MOSPD2: variants seen among roughly 807,000 people sequenced by gnomAD.
MOSPD2 encodes motile sperm domain-containing protein 2.
MOSPD2 carries 5 observed loss-of-function variants against 41.7 expected under a neutral mutation model. The ratio of observed to expected loss-of-function variants is 0.12; its 90% CI spans 0.06 to 0.25. MOSPD2 has a LOEUF of 0.25. Ranked by LOEUF, MOSPD2 falls within the 10% of genes least tolerant of loss-of-function variation. The pLI is 1.00. For missense variants in MOSPD2, 282 were observed against 375.2 expected, an observed-to-expected ratio of 0.75 and a Z score of 2.05; for synonymous variants, 115 against 126.9, an observed-to-expected ratio of 0.91 and a Z score of 0.63.
Position 14,890,303 on chromosome X carries a change from C to G in MOSPD2, c.80-2420C>G, listed in dbSNP as rs149635249. 9.1e-3 allele frequency among the ~76,000 whole-genome samples: 1,015 copies of G among 111,658 alleles called. 13 individuals carry two copies. Among genetic ancestry groups the G allele is most frequent in the African/African-American group, 0.032 (972 of 30,730 alleles). ...CTTTCAATGTTCTGTGTGACAAAAT[C>G]GGGAAGTGTGCATAAAACACTTCTG... On this transcript the variant is annotated intron_variant, in intron 2 of 14. Transcript: ENST00000380492.
chrX:14,897,935 T>G (rs150784902), intron 5 of MOSPD2, among the ~76,000 whole-genome samples: 15 of 112,323 alleles, frequency 1.3e-4, no homozygotes, highest in African/African-American at 4.5e-4. Flanking sequence ...TCTCTTATAT[T>G]TAATCTGTGG....
chrX:14,888,598 A>G (rs1052972521), intron 2 of MOSPD2, among the ~76,000 whole-genome samples: 1 of 111,390 alleles, frequency 9.0e-6, no homozygotes, highest in Non-Finnish European at 1.9e-5. Flanking sequence ...AGTCTCAGGT[A>G]TGTCTTTATC....
intron 6 of MOSPD2, among the ~76,000 whole-genome samples, chrX:14,902,356 A>T (rs979495118): frequency 8.9e-6 from 1 of 111,760 alleles, no homozygotes; most frequent in African/African-American, 3.3e-5. Flanking sequence ...TCAGTTGTTA[A>T]TAGGGCTGTT....
At chrX:14,893,475 A>C (rs1326144378) in intron 3 of MOSPD2, 1 of 111,752 alleles carries the variant, frequency 8.9e-6, no homozygotes, top group African/African-American at 3.3e-5. Flanking sequence ...TTTTCCAAAA[A>C]TGAGAGTTTC....
intron 7 of MOSPD2, among the ~76,000 whole-genome samples, chrX:14,903,284 G>A (rs1187174702): frequency 9.1e-6 from 1 of 109,666 alleles, no homozygotes; most frequent in Non-Finnish European, 1.9e-5. Context: ...TGAGGCAGGA[G>A]GATCACTTGA....
At chrX:14,916,146 A>G (rs1353833088) in intron 12 of MOSPD2, 51 bp from the exon 13 acceptor site, 29 of 1,205,413 alleles carry the variant, frequency 2.4e-5, no homozygotes, top group African/African-American at 3.5e-5. Context: ...TGCATATCCA[A>G]CCGCTTTGAA....
intron 7 of MOSPD2, among the ~76,000 whole-genome samples, chrX:14,907,049 A>G (rs927864868): frequency 1.8e-5 from 2 of 112,122 alleles, no homozygotes; most frequent in Admixed American, 1.9e-4. Flanking sequence ...AACCCAATTA[A>G]ACGAGTGAAA....
At chrX:14,894,084 T>C (rs1034771347) in intron 3 of MOSPD2, among the ~76,000 whole-genome samples, 1 of 111,762 alleles carries the variant, frequency 8.9e-6, no homozygotes, top group Non-Finnish European at 1.9e-5. Flanking sequence ...CTGCTGAAGT[T>C]CAAGTTCTCA....
At chrX:14,901,744 A>C (rs1164547994) in intron 6 of MOSPD2, among the ~76,000 whole-genome samples, 1 of 110,613 alleles carries the variant, frequency 9.0e-6, no homozygotes, top group African/African-American at 3.3e-5. Flanking sequence ...GTAGGGAATC[A>C]CTACCCCATA....
intron 8 of MOSPD2, among the ~76,000 whole-genome samples, chrX:14,910,017 T>G (rs914755466): frequency 9.0e-6 from 1 of 111,032 alleles, no homozygotes; most frequent in African/African-American, 3.3e-5. Context: ...CATAACATTT[T>G]AAATAATGTT....
At chrX:14,917,020 G>A (rs1329273825) in intron 13 of MOSPD2, among the ~76,000 whole-genome samples, 1 of 112,128 alleles carries the variant, frequency 8.9e-6, no homozygotes, top group African/African-American at 3.2e-5. Flanking sequence ...CCCCCCAGGG[G>A]ACATTTGTCA....
At chrX:14,888,201 C>G (rs1467268040) in intron 2 of MOSPD2, among the ~76,000 whole-genome samples, 1 of 31,362 alleles carries the variant, frequency 3.2e-5, no homozygotes. Flanking sequence ...TATATACACA[C>G]ACACGCACAC....
chrX:14,889,662 T>C (rs1199720697), intron 2 of MOSPD2, among the ~76,000 whole-genome samples: 2 of 111,178 alleles, frequency 1.8e-5, no homozygotes. Flanking sequence ...TCCCCTACTC[T>C]GATTTCATTT....
At chrX:14,894,436 C>A (rs2147489377) in intron 3 of MOSPD2, among the ~76,000 whole-genome samples, 1 of 107,697 alleles carries the variant, frequency 9.3e-6, no homozygotes, top group African/African-American at 3.4e-5. Context: ...CCTGCCTCAA[C>A]CTCCCAAGTA....
chrX:14,914,225 A>G (rs1217924583), intron 10 of MOSPD2, among the ~76,000 whole-genome samples: 2 of 111,135 alleles, frequency 1.8e-5, no homozygotes, highest in Non-Finnish European at 3.8e-5. Context: ...AGTGCTGATT[A>G]TAGGATTAAT....
rs2092593403 is a variant in MOSPD2, at chrX:14,912,345, C to G, written c.976C>G (p.Pro326Ala). The G allele has an allele frequency of 8.8e-7, 1 of 1,133,658 alleles. No homozygotes were observed. Among genetic ancestry groups the G allele is most frequent in the Non-Finnish European group, 1.2e-6 (1 of 849,595 alleles). 93.4% of individuals were successfully genotyped at this position (1,133,658 alleles called of 1,213,427 possible). Residue 326 changes from proline (P) to alanine (A), a missense_variant, in exon 10 of 15, where the codon CCC (proline) becomes GCC (alanine). Around this residue, in one of 3 missense-constraint regions of MOSPD2, gnomAD observed 187 missense variants for 256.6 expected, o/e 0.73. Transcript: ENST00000380492. The stretch of plus-strand genomic sequence containing the variant: ...GAAACCATTGAGTGTATTTAAAGGC[C>G]CCTTACTACACATCAGGTAATCGTC... ...FKKPLSVFKG[P>A]LLHISPAEEL... is the part of the protein sequence containing the mutation.
chrX:14,896,995 A>G, intron 4 of MOSPD2, 89 bp from the exon 5 acceptor site: 12 of 700,748 alleles, frequency 1.7e-5, no homozygotes, highest in Non-Finnish European at 2.4e-5. Context: ...TGAATTGTAA[A>G]TGAAAAATGT....
intron 2 of MOSPD2, among the ~76,000 whole-genome samples, chrX:14,888,395 G>A (rs1359766395): frequency 2.7e-5 from 3 of 110,285 alleles, no homozygotes; most frequent in Admixed American, 1.9e-4. Context: ...TCTTTCCTGC[G>A]CTGTTCTCAT....
chrX:14,875,792 G>A (rs1480191609), intron 2 of MOSPD2, among the ~76,000 whole-genome samples: 5 of 111,684 alleles, frequency 4.5e-5, no homozygotes, highest in Admixed American at 9.5e-5. Flanking sequence ...AAATGTATCC[G>A]AGAGGCCTTC....
Sources: allele counts gnomAD v4.1 joint callset (sites outside exome capture counted in the v4.1 genomes callset), GRCh38; gene constraint gnomAD v4.1.1; regional missense constraint gnomAD v4.1.1; transcripts MANE v1.5; gene names NCBI Gene and HGNC (gene_info 2026-07-23, HGNC 2026-07-21).